ZNF184: variants seen among roughly 807,000 people sequenced by gnomAD.
ZNF184 encodes zinc finger protein 184 (Kruppel-like).
A neutral mutation model predicts 54.4 loss-of-function variants in ZNF184; 16 were observed. The ratio of observed to expected loss-of-function variants is 0.29; its 90% CI spans 0.20 to 0.45. The LOEUF (loss-of-function observed/expected upper bound fraction) is 0.45. ZNF184 is among the 20% of genes least tolerant of loss of function. The pLI is 1.00. For missense variants in ZNF184, 681 were observed against 888.2 expected (o/e 0.77, Z 2.97); for synonymous variants, 254 against 295.3 (o/e 0.86, Z 1.43).
chr6:27,430,210 A>G, the ZNF184 span, among the ~76,000 whole-genome samples: 1 of 152,152 alleles, frequency 6.6e-6, no homozygotes, highest in Admixed American at 6.5e-5. Flanking sequence ...GATCTTATGC[A>G]CCTGCTGTAT....
the ZNF184 span, among the ~76,000 whole-genome samples, chr6:27,414,763 A>T: frequency 6.6e-6 from 1 of 151,966 alleles, no homozygotes; most frequent in African/African-American, 2.4e-5. Flanking sequence ...AGATTTTATT[A>T]TCTCCCCCTT....
the ZNF184 span, among the ~76,000 whole-genome samples, chr6:27,421,190 C>T: frequency 5.9e-5 from 9 of 152,200 alleles, no homozygotes; most frequent in African/African-American, 2.2e-4. Flanking sequence ...TTGTTCAAAT[C>T]TGCAGAATGT....
At chr6:27,427,247 C>T in the ZNF184 span, among the ~76,000 whole-genome samples, 45 of 151,516 alleles carry the variant, frequency 3.0e-4, no homozygotes, top group East Asian at 5.2e-3. Flanking sequence ...AGATGGAGAA[C>T]GGGGTAGGAG....
In ZNF184 at chr6:27,472,623, G is replaced by A. The variant is rs1013821277; in HGVS notation, c.-140+106C>T. The A allele has an allele frequency of 1.2e-5, 4 of 332,100 alleles. No individual in the cohort carries two copies. Among genetic ancestry groups the A allele is most frequent in the Non-Finnish European group, 5.7e-6 (1 of 175,066 alleles). The allele number at this position is 332,100 out of a possible 1,614,324, so 20.6% of individuals were successfully genotyped here. ...TCTGCTTCAGATCCAAAAAACCCTTGGTGCCCACCCTAGAATCTGGCCGGG... is the reference window on the plus strand; with the variant it reads ...TCTGCTTCAGATCCAAAAAACCCTTAGTGCCCACCCTAGAATCTGGCCGGG... On this transcript the variant is annotated intron_variant, in intron 1 of 5. Transcript: ENST00000683788. This position sits in a 1 kb window ranked among gnomAD's most constrained non-coding sequence, Gnocchi z 4.8.
intron 3 of ZNF184, among the ~76,000 whole-genome samples, chr6:27,464,853 A>C (rs983133783): frequency 6.6e-6 from 1 of 151,166 alleles, no homozygotes; most frequent in Non-Finnish European, 1.5e-5. Flanking sequence ...CGTCTCTACT[A>C]AAAATACAAA....
At chr6:27,462,178 C>G (rs1049407259) in intron 3 of ZNF184, among the ~76,000 whole-genome samples, 1 of 152,076 alleles carries the variant, frequency 6.6e-6, no homozygotes, top group Non-Finnish European at 1.5e-5. Context: ...AGTAACTTAA[C>G]TGCATCCCAG....
chr6:27,465,787 A>C (rs1763120527), intron 3 of ZNF184, among the ~76,000 whole-genome samples: 1 of 152,146 alleles, frequency 6.6e-6, no homozygotes, highest in Non-Finnish European at 1.5e-5. Context: ...ACCAACCCAC[A>C]ACAGTCTGAG....
chr6:27,438,196 T>C, the ZNF184 span, among the ~76,000 whole-genome samples: 2 of 152,230 alleles, frequency 1.3e-5, no homozygotes, highest in Non-Finnish European at 2.9e-5. Context: ...TACATCACTT[T>C]GTTTACATCT....
the ZNF184 span, among the ~76,000 whole-genome samples, chr6:27,419,660 C>T: frequency 6.6e-6 from 1 of 152,010 alleles, no homozygotes; most frequent in African/African-American, 2.4e-5. The surrounding 1 kb of genome is among the most constrained non-coding windows in gnomAD (Gnocchi z 4.8). Flanking sequence ...AACCCAAAAT[C>T]CTTGATTTAT....
chr6:27,454,073 C>A (rs182378760), intron 5 of ZNF184, among the ~76,000 whole-genome samples: 1 of 152,270 alleles, frequency 6.6e-6, no homozygotes, highest in Admixed American at 6.5e-5. Context: ...CATAAAACAA[C>A]AGAAGAAACA....
Position 27,457,465 on chromosome 6 carries a change from A to G in ZNF184, c.76-56T>C, listed in dbSNP as rs1581579320. 4 of 1,592,582 alleles carry G rather than the reference A, an allele frequency of 2.5e-6. No homozygotes were observed. The Admixed American group carries it at 6.9e-5, about 28-fold the overall frequency. On this transcript the variant is annotated intron_variant, in intron 3 of 5. Transcript: ENST00000683788. ...ATAAGCATTTACTTAGGAAAGGGGT[A>G]AAGTTAGCAATACTGACAGAAGTAA...
chr6:27,461,892 T>A (rs1205112236), intron 3 of ZNF184, among the ~76,000 whole-genome samples: 1 of 152,188 alleles, frequency 6.6e-6, no homozygotes, highest in Non-Finnish European at 1.5e-5. Context: ...AGGTTCCCTC[T>A]TGAGTATTCA....
At chr6:27,460,619 G>C (rs1190299694) in intron 3 of ZNF184, among the ~76,000 whole-genome samples, 1 of 152,204 alleles carries the variant, frequency 6.6e-6, no homozygotes, top group Admixed American at 6.5e-5. Flanking sequence ...AAAGTTGAAA[G>C]TTCAGAACTA....
chr6:27,432,661 CTG>C, the ZNF184 span, among the ~76,000 whole-genome samples: 2 of 152,182 alleles, frequency 1.3e-5, no homozygotes, highest in African/African-American at 2.4e-5. This position sits in a 1 kb window ranked among gnomAD's most constrained non-coding sequence, Gnocchi z 4.0. Context: ...TCCTTCAGGA[CTG>C]TGGGAGATTC....
In ZNF184 at chr6:27,453,159, C is replaced by T; in HGVS notation, c.400G>A (p.Asp134Asn). 6.2e-7 allele frequency: 1 copy of T among 1,614,080 alleles called. No homozygotes were observed. Among genetic ancestry groups the T allele is most frequent in the Non-Finnish European group, 8.5e-7 (1 of 1,180,002 alleles). The change falls in exon 6 of 6, where the codon GAT becomes AAT. Residue 134 changes from aspartate to asparagine, a missense_variant. Coordinates refer to ENST00000683788, the MANE Select transcript of ZNF184 (RefSeq NM_001318891.2). The surrounding 1 kb of genome is among the most constrained non-coding windows in gnomAD (Gnocchi z 4.7). ...TCTAGCAAGTTGGAACTCCAAGAAT[C>T]ATCTCTTTTGTGTTTTTCCACTATT... Reference protein sequence around the residue: ...EVIVEKHKRDDSWSSNLLESW... With the variant: ...EVIVEKHKRDNSWSSNLLESW...
the ZNF184 span, among the ~76,000 whole-genome samples, chr6:27,439,291 C>G: frequency 2.0e-5 from 3 of 152,214 alleles, no homozygotes; most frequent in Non-Finnish European, 4.4e-5. Context: ...ATGTCAACTA[C>G]TGTTCGAAAA....
At chr6:27,416,164 C>T in the ZNF184 span, among the ~76,000 whole-genome samples, 1 of 152,184 alleles carries the variant, frequency 6.6e-6, no homozygotes, top group East Asian at 1.9e-4. Flanking sequence ...TCTGCAAAGT[C>T]TATTTTCACC....
At chr6:27,450,242 G>A (rs1762684511), downstream of ZNF184, among the ~76,000 whole-genome samples, 1 of 152,124 alleles carries the variant, frequency 6.6e-6, no homozygotes, top group Admixed American at 6.6e-5. Context: ...TTAGTCTCTG[G>A]AGTTGTAGGG....
chr6:27,419,077 C>T, the ZNF184 span, among the ~76,000 whole-genome samples: 1 of 151,652 alleles, frequency 6.6e-6, no homozygotes, highest in African/African-American at 2.4e-5. The surrounding 1 kb of genome is among the most constrained non-coding windows in gnomAD (Gnocchi z 4.8). Flanking sequence ...ATTTTTCCAA[C>T]CACTTTTTAA....
Sources: gnomAD v4.1 joint callset for allele counts (sites outside exome capture counted in the v4.1 genomes callset) on GRCh38, gnomAD v4.1.1 for gene constraint, Gnocchi (gnomAD v3.1) non-coding constraint, MANE v1.5 for transcripts, NCBI Gene and HGNC (gene_info 2026-07-23, HGNC 2026-07-21) for gene names.